Variants in ADAMTS20 observed in about 807,000 individuals in gnomAD.
The protein encoded by ADAMTS20 is ADAM metallopeptidase with thrombospondin type 1 motif 20, also known as A disintegrin and metalloproteinase with thrombospondin motifs 20.
Under a neutral mutation model 260.1 loss-of-function variants are expected in ADAMTS20, and 225 were observed. The ratio of observed to expected loss-of-function variants is 0.87; its 90% CI spans 0.78 to 0.97. The LOEUF is 0.97. Ranked by LOEUF, ADAMTS20 falls within the 50% of genes least tolerant of loss-of-function variation. The pLI is 0.00. For synonymous variants in ADAMTS20, 802 were observed against 769.5 expected, an observed-to-expected ratio of 1.04 and a Z score of -0.70; for missense variants, 2,400 against 2,337.7, an observed-to-expected ratio of 1.03 and a Z score of -0.55.
Position 43,551,742 on chromosome 12 carries a change from G to C in ADAMTS20, c.91+89C>G, listed in dbSNP as rs1437079219. 2 of 1,362,684 alleles carry C rather than the reference G, an allele frequency of 1.5e-6. No individual in the cohort carries two copies. Among genetic ancestry groups the C allele is most frequent in the Non-Finnish European group, 2.1e-6 (2 of 967,470 alleles). 84.4% of individuals were successfully genotyped at this position (1,362,684 alleles called of 1,614,324 possible). On this transcript the variant is annotated intron_variant, in intron 1 of 38. Coordinates refer to ENST00000389420, the MANE Select transcript of ADAMTS20 (RefSeq NM_025003.5). This position sits in a 1 kb window ranked among gnomAD's most constrained non-coding sequence, Gnocchi z 4.6. ...CCAGCAGGGCCAGCGTTCCCCAACGGGCTGAGCCGCTCGTCCCCGCGACCT... is the reference window on the plus strand; with the variant it reads ...CCAGCAGGGCCAGCGTTCCCCAACGCGCTGAGCCGCTCGTCCCCGCGACCT...
At chr12:43,543,511 T>C (rs1943404050) in intron 2 of ADAMTS20, among the ~76,000 whole-genome samples, 1 of 152,156 alleles carries the variant, frequency 6.6e-6, no homozygotes, top group Non-Finnish European at 1.5e-5. Context: ...CTGAAGATAA[T>C]TTATCTTTTT....
intron 28 of ADAMTS20, among the ~76,000 whole-genome samples, chr12:43,416,109 C>A (rs1437998994): frequency 6.6e-6 from 1 of 152,174 alleles, no homozygotes; most frequent in Non-Finnish European, 1.5e-5. Context: ...TCAAAAACAG[C>A]CCCATCAATC....
At chr12:43,400,278 T>C (rs1466575972) in intron 28 of ADAMTS20, among the ~76,000 whole-genome samples, 1 of 152,028 alleles carries the variant, frequency 6.6e-6, no homozygotes, top group Admixed American at 6.6e-5. Flanking sequence ...TGTTGGCATA[T>C]GGTTTCATTT....
chr12:43,445,282 A>C (rs1941739319), intron 15 of ADAMTS20, among the ~76,000 whole-genome samples: 1 of 152,156 alleles, frequency 6.6e-6, no homozygotes, highest in South Asian at 2.1e-4. Context: ...TTATCCTGGA[A>C]AAAATATTTT....
intron 29 of ADAMTS20, among the ~76,000 whole-genome samples, chr12:43,396,696 G>A (rs1392128456): frequency 6.6e-6 from 1 of 152,098 alleles, no homozygotes. Context: ...TATTTTTGAA[G>A]CCCCAGAAAT....
chr12:43,444,011 C>T, intron 15 of ADAMTS20, 128 bp from the exon 16 acceptor site: 1 of 664,306 alleles, frequency 1.5e-6, no homozygotes, highest in Non-Finnish European at 2.6e-6. Flanking sequence ...TACAAAATTA[C>T]ACAGTGGTTA....
chr12:43,551,043 C>T lies in ADAMTS20; in HGVS notation c.319G>A (p.Val107Met). 1 of 1,613,686 alleles carries T rather than the reference C, an allele frequency of 6.2e-7. No homozygotes were observed. The change falls in exon 2 of 39, where the codon GTG becomes ATG. Residue 107 changes from valine (V) to methionine (M), a missense_variant. By Grantham distance (21) the Val-to-Met change is conservative. Transcript: ENST00000389420. The surrounding 1 kb of genome is among the most constrained non-coding windows in gnomAD (Gnocchi z 4.6). ...CCGCGCTCCGGGGTTCCCAAGTGCA[C>T]CTCGGTGTAGCCGGCGGCCAGAAAG... is the stretch of plus-strand genomic sequence containing the variant. ...ASFLAAGYTE[V>M]HLGTPERGAW...
chr12:43,422,692 TA>T (rs1941258479), intron 28 of ADAMTS20: 2 of 152,076 alleles, frequency 1.3e-5, no homozygotes, highest in South Asian at 4.1e-4. Flanking sequence ...CATTTCTTCA[TA>T]GTGCAAAGAG....
At chr12:43,462,233 G>A (rs1045186580) in intron 11 of ADAMTS20, among the ~76,000 whole-genome samples, 6 of 152,202 alleles carry the variant, frequency 3.9e-5, no homozygotes, top group African/African-American at 1.2e-4. Flanking sequence ...CACTGAGGGA[G>A]CTCAGAGATG....
intron 2 of ADAMTS20, among the ~76,000 whole-genome samples, chr12:43,535,929 C>A (rs1479181649): frequency 6.6e-6 from 1 of 152,030 alleles, no homozygotes; most frequent in Non-Finnish European, 1.5e-5. Context: ...ACAACAAGGA[C>A]TTGCACTCTG....
intron 28 of ADAMTS20, among the ~76,000 whole-genome samples, chr12:43,412,899 C>T (rs1378189299): frequency 6.7e-6 from 1 of 149,916 alleles, no homozygotes. Flanking sequence ...CAAGCTCCAC[C>T]TCCCAGGTTC....
At chr12:43,356,156 T>C (rs1215118259) in intron 38 of ADAMTS20, among the ~76,000 whole-genome samples, 2 of 152,200 alleles carry the variant, frequency 1.3e-5, no homozygotes, top group African/African-American at 4.8e-5. Flanking sequence ...CATACCTTTC[T>C]TGAACATCTG....
rs1012866600 is a variant in ADAMTS20 at position 43,551,545 on chromosome 12, C to T, written c.92-275G>A. Among the ~76,000 whole-genome samples the T allele has an allele frequency of 7.2e-5, 11 of 152,206 alleles. No individual in the cohort carries two copies. Among genetic ancestry groups the T allele is most frequent in the African/African-American group, 1.9e-4 (8 of 41,464 alleles). On this transcript the variant is annotated intron_variant, in intron 1 of 38. Coordinates refer to ENST00000389420, the MANE Select transcript of ADAMTS20 (RefSeq NM_025003.5). This position sits in a 1 kb window ranked among gnomAD's most constrained non-coding sequence, Gnocchi z 4.6. ...AACCCACTTCCTTCCCCAGTACCTC[C>T]TAACCTCCCCGCAGCCCCCAACTCG...
At chr12:43,388,343 A>C (rs1202553803) in intron 29 of ADAMTS20, among the ~76,000 whole-genome samples, 1 of 151,804 alleles carries the variant, frequency 6.6e-6, no homozygotes, top group Non-Finnish European at 1.5e-5. Context: ...GCTTCTGTTC[A>C]CCCTCCGTGG....
intron 3 of ADAMTS20, among the ~76,000 whole-genome samples, chr12:43,528,365 A>AAAAC (rs1592111603): frequency 1.3e-5 from 2 of 148,520 alleles, no homozygotes; most frequent in East Asian, 2.0e-4. Context: ...AAAAAAAAAA[A>AAAAC]AAAAAAAAAC....
chr12:43,486,321 T>C (rs904095577), intron 7 of ADAMTS20, among the ~76,000 whole-genome samples: 4 of 152,006 alleles, frequency 2.6e-5, no homozygotes, highest in African/African-American at 4.8e-5. Flanking sequence ...AAAATATAAA[T>C]TGGGGAAAGA....
chr12:43,511,058 C>G (rs1942917418), intron 3 of ADAMTS20, among the ~76,000 whole-genome samples: 1 of 152,038 alleles, frequency 6.6e-6, no homozygotes, highest in Non-Finnish European at 1.5e-5. Context: ...CCTCCTTCAC[C>G]CTTTGTATCT....
intron 29 of ADAMTS20, among the ~76,000 whole-genome samples, chr12:43,384,822 T>G (rs950811217): frequency 6.6e-6 from 1 of 152,218 alleles, no homozygotes; most frequent in Non-Finnish European, 1.5e-5. Context: ...TTCCATGTTA[T>G]ATACGTGCTG....
intron 3 of ADAMTS20, among the ~76,000 whole-genome samples, chr12:43,511,757 C>A (rs1314778913): frequency 6.6e-6 from 1 of 152,090 alleles, no homozygotes; most frequent in Non-Finnish European, 1.5e-5. Flanking sequence ...ATATAATGCT[C>A]TATATTTGAC....
Sources: gnomAD v4.1 joint callset for allele counts (sites outside exome capture counted in the v4.1 genomes callset) on GRCh38, gnomAD v4.1.1 for gene constraint, Gnocchi (gnomAD v3.1) non-coding constraint, MANE v1.5 for transcripts, NCBI Gene and HGNC (gene_info 2026-07-23, HGNC 2026-07-21) for gene names.